Variants in ADGRG6 observed in about 807,000 individuals in gnomAD.
ADGRG6 encodes the protein adhesion G protein-coupled receptor G6, also known as G-protein coupled receptor 126.
A neutral mutation model predicts 142.4 loss-of-function variants in ADGRG6; 84 were observed. The observed-to-expected ratio is 0.59, with a 90% confidence interval of 0.49 to 0.71. The LOEUF is 0.71. ADGRG6 is among the 30% of genes least tolerant of loss of function. The probability of loss-of-function intolerance (pLI) is 0.00; values close to 1 mark genes in which losing one functional copy is unlikely to be tolerated. For synonymous variants in ADGRG6, 521 were observed against 520.5 expected, an observed-to-expected ratio of 1.00 and a Z score of -0.01; for missense variants, 1,367 against 1,466.6, an observed-to-expected ratio of 0.93 and a Z score of 1.11.
chr6:142,412,030 C>T (rs1389567090), intron 18 of ADGRG6, among the ~76,000 whole-genome samples: 1 of 152,082 alleles, frequency 6.6e-6, no homozygotes, highest in Non-Finnish European at 1.5e-5. Context: ...TTCCTTCTTC[C>T]ATGCCCCTGT....
chr6:142,358,790 A>C (rs553531668), intron 2 of ADGRG6, among the ~76,000 whole-genome samples: 14 of 152,028 alleles, frequency 9.2e-5, no homozygotes, highest in Admixed American at 9.2e-4. Context: ...CTGTAGTCCT[A>C]ACTACTCGGG....
rs1228365849 is a variant in ADGRG6, at chr6:142,443,359, C to T, written c.3597C>T (p.Ser1199=). 1 of 1,610,578 alleles carries T rather than the reference C, an allele frequency of 6.2e-7. No homozygotes were observed. The highest frequency in any genetic ancestry group is 8.5e-7 in the Non-Finnish European group (1 of 1,178,380). Reference sequence around the variant, plus strand: ...CAGACAGTGCTTCCATGGACAAGTCCTTGTCAAAACTGGCCCATGCTGATG... The same window carrying T: ...CAGACAGTGCTTCCATGGACAAGTCTTTGTCAAAACTGGCCCATGCTGATG... ...SHTDSASMDK[S]LSKLAHADGD... is the part of the protein sequence containing the mutation. Residue 1199 remains serine, a synonymous_variant, in exon 25 of 25, where the codon TCC becomes TCT. Coordinates refer to ENST00000367609, the MANE Select transcript of ADGRG6 (RefSeq NM_198569.3).
intron 22 of ADGRG6, among the ~76,000 whole-genome samples, chr6:142,434,070 T>G (rs187667746): frequency 1.3e-5 from 2 of 152,096 alleles, no homozygotes; most frequent in Non-Finnish European, 2.9e-5. Context: ...AGAAAAAACT[T>G]CTCTACCCTA....
At chr6:142,353,005 T>C (rs1258359265) in intron 2 of ADGRG6, among the ~76,000 whole-genome samples, 1 of 152,196 alleles carries the variant, frequency 6.6e-6, no homozygotes, top group Non-Finnish European at 1.5e-5. Context: ...AGCCTTTCCC[T>C]ATGTGAGATG....
Position 142,311,269 on chromosome 6 carries a change from CT to C in ADGRG6, c.103+1626del, listed in dbSNP as rs540733326. 1.4e-4 allele frequency among the ~76,000 whole-genome samples: 22 copies of C among 151,952 alleles called. No homozygotes were observed. The South Asian group carries it at 3.5e-3, about 24-fold the overall frequency. ...AGATTTTCTTATTTTTTGTTATTTC[CT>C]GCATTATTAAACTTTTTGTGTATCA... On this transcript the variant is annotated intron_variant, in intron 2 of 24. Transcript: ENST00000367609.
rs566785955 is a variant in ADGRG6 at position 142,445,262 on chromosome 6, A to G, written c.*1747A>G. On this transcript the variant is annotated 3_prime_UTR_variant, in exon 25 of 25. Coordinates refer to ENST00000367609, the MANE Select transcript of ADGRG6 (RefSeq NM_198569.3). ...TATTCAGTAAAAAAGAATAGTAAAT[A>G]TAAGGTCACTGAGATTCTAAGTAAG... 2.0e-5 allele frequency: 3 copies of G among 152,306 alleles called. No individual in the cohort carries two copies. Among genetic ancestry groups the G allele is most frequent in the African/African-American group, 7.2e-5 (3 of 41,576 alleles). The allele number at this position is 152,306 out of a possible 1,614,324, so 9.4% of individuals were successfully genotyped here.
In ADGRG6 at chr6:142,419,963, A is replaced by G. The variant is rs576641911; in HGVS notation, c.3178A>G (p.Arg1060Gly). Reference sequence around the variant, plus strand: ...TGGCAAGAGAAGCAACCGGACCCTGAGAGAAGAAGTGTTAAGGAACCTGCG... The same window carrying G: ...TGGCAAGAGAAGCAACCGGACCCTGGGAGAAGAAGTGTTAAGGAACCTGCG... ...RNGKRSNRTL[R>G]EEVLRNLRSV... Residue 1060 changes from arginine (R) to glycine (G), a missense_variant, in exon 22 of 25, where the codon AGA becomes GGA. Transcript: ENST00000367609. 6.2e-7 allele frequency: 1 copy of G among 1,613,570 alleles called. No homozygotes were observed. Among genetic ancestry groups the G allele is most frequent in the South Asian group, 1.1e-5 (1 of 91,076 alleles).
chr6:142,426,944 TA>T (rs1776975695), intron 22 of ADGRG6, among the ~76,000 whole-genome samples: 1 of 152,110 alleles, frequency 6.6e-6, no homozygotes, highest in Non-Finnish European at 1.5e-5. Context: ...CCCTAGACTG[TA>T]CAAAGCATGG....
chr6:142,357,230 T>C (rs1019979760), intron 2 of ADGRG6, among the ~76,000 whole-genome samples: 1 of 152,182 alleles, frequency 6.6e-6, no homozygotes, highest in Non-Finnish European at 1.5e-5. Flanking sequence ...AGATCATCTG[T>C]TTCTCTTCCC....
intron 2 of ADGRG6, among the ~76,000 whole-genome samples, chr6:142,343,933 T>C (rs1779776820): frequency 6.6e-6 from 1 of 151,956 alleles, no homozygotes; most frequent in African/African-American, 2.4e-5. Context: ...ATTTCATTAG[T>C]GCTTGAAGTT....
intron 4 of ADGRG6, among the ~76,000 whole-genome samples, chr6:142,376,615 C>T (rs1382535860): frequency 6.6e-6 from 1 of 152,098 alleles, no homozygotes; most frequent in African/African-American, 2.4e-5. Context: ...TCCTCCCTTG[C>T]ACTTCTAACA....
In ADGRG6 at chr6:142,347,358, A is replaced by T. The variant is rs145197101; in HGVS notation, c.104-20211A>T. ...ATCACTGTATTGGGACTATCTCTCT[A>T]CTTGGGAAACCAAATTTTAATGTCA... is the stretch of plus-strand genomic sequence containing the variant. On this transcript the variant is annotated intron_variant, in intron 2 of 24. Transcript: ENST00000367609. Among the ~76,000 whole-genome samples the T allele has an allele frequency of 2.7e-3, 409 of 152,308 alleles. 3 individuals are homozygous for T. The highest frequency in any genetic ancestry group is 9.4e-3 in the African/African-American group (392 of 41,570).
At chr6:142,404,818 G>A (rs188174608) in intron 14 of ADGRG6, among the ~76,000 whole-genome samples, 34 of 152,208 alleles carry the variant, frequency 2.2e-4, no homozygotes, top group Non-Finnish European at 4.1e-4. Context: ...TTGAGAACCC[G>A]TGATGTAGAA....
In ADGRG6 at chr6:142,370,525, T is replaced by C. The variant is rs2114867557; in HGVS notation, c.801T>C (p.Asn267=). 2 of 1,613,746 alleles carry C rather than the reference T, an allele frequency of 1.2e-6. No individual in the cohort carries two copies. The highest frequency in any genetic ancestry group is 2.2e-5 in the East Asian group (1 of 44,880). The change falls in exon 4 of 25, where the codon AAT becomes AAC. Residue 267 remains asparagine (N), a synonymous_variant. Transcript: ENST00000367609. The part of the protein sequence containing the change: ...WNNSLGSIGV[N]FKRNYETVPC... Reference sequence around the variant, plus strand: ...ATTCTTTGGGCTCTATTGGTGTAAATTTCAAAAGAAACTATGAAACAGTTC... The same window carrying C: ...ATTCTTTGGGCTCTATTGGTGTAAACTTCAAAAGAAACTATGAAACAGTTC...
intron 2 of ADGRG6, among the ~76,000 whole-genome samples, chr6:142,326,361 C>A (rs1703323252): frequency 6.6e-6 from 1 of 151,608 alleles, no homozygotes; most frequent in Non-Finnish European, 1.5e-5. Flanking sequence ...GTTTCCCTTT[C>A]CTTTCTGCAA....
chr6:142,439,504 A>G (rs1307132666), intron 24 of ADGRG6, among the ~76,000 whole-genome samples: 1 of 152,190 alleles, frequency 6.6e-6, no homozygotes, highest in East Asian at 1.9e-4. Flanking sequence ...ATTTGAATCC[A>G]TATACATGCC....
chr6:142,382,072 T>G (rs1172444205), intron 5 of ADGRG6, 53 bp downstream of exon 5: 10 of 1,051,258 alleles, frequency 9.5e-6, no homozygotes, highest in Non-Finnish European at 1.4e-5. Context: ...CTTGCAATTT[T>G]GGGTAATGTG....
chr6:142,321,286 T>TACACACACACACACACACAC (rs10632214), intron 2 of ADGRG6, among the ~76,000 whole-genome samples: 62 of 147,882 alleles, frequency 4.2e-4, no homozygotes, highest in African/African-American at 1.5e-3. Context: ...TAAGCATGCA[T>TACACACACACACACACACAC]ACACACACAC....
At chr6:142,315,554 G>A (rs1778003861) in intron 2 of ADGRG6, among the ~76,000 whole-genome samples, 1 of 152,050 alleles carries the variant, frequency 6.6e-6, no homozygotes, top group Non-Finnish European at 1.5e-5. Context: ...GAACTAACAT[G>A]ATTATACACC....
Sources: allele counts gnomAD v4.1 joint callset (sites outside exome capture counted in the v4.1 genomes callset), GRCh38; gene constraint gnomAD v4.1.1; transcripts MANE v1.5; gene names NCBI Gene and HGNC (gene_info 2026-07-23, HGNC 2026-07-21).